Variants in GRM1 observed in about 807,000 individuals in gnomAD.
GRM1 encodes glutamate metabotropic receptor 1, also known as metabotropic glutamate receptor 1.
Under a neutral mutation model 90.9 loss-of-function variants are expected in GRM1, and 33 were observed. The ratio of observed to expected loss-of-function variants is 0.36; its 90% confidence interval spans 0.28 to 0.49. The LOEUF is 0.49. Ranked by LOEUF, GRM1 falls within the 20% of genes least tolerant of loss-of-function variation. The pLI is 0.99. For missense variants in GRM1, 1,190 were observed against 1,534.3 expected, an observed-to-expected ratio of 0.78 and a Z score of 3.75; for synonymous variants, 700 against 613.2, an observed-to-expected ratio of 1.14 and a Z score of -2.09.
At chr6:146,170,515 A>G (rs1562506753) in intron 2 of GRM1, among the ~76,000 whole-genome samples, 2 of 152,004 alleles carry the variant, frequency 1.3e-5, no homozygotes, top group Non-Finnish European at 2.9e-5. Flanking sequence ...TTATTGATTC[A>G]CTCAATATTT....
At chr6:146,127,981 C>G (rs1267651808) in intron 1 of GRM1, among the ~76,000 whole-genome samples, 1 of 152,146 alleles carries the variant, frequency 6.6e-6, no homozygotes, top group African/African-American at 2.4e-5. Flanking sequence ...TCACAAGCCT[C>G]CCTGGCAGTT....
At chr6:146,412,807 C>T (rs1777618486) in intron 7 of GRM1, among the ~76,000 whole-genome samples, 1 of 152,160 alleles carries the variant, frequency 6.6e-6, no homozygotes, top group African/African-American at 2.4e-5. Flanking sequence ...AGAATAACTA[C>T]TAATACTACC....
chr6:146,309,440 G>A (rs893776358), intron 3 of GRM1, among the ~76,000 whole-genome samples: 6 of 151,660 alleles, frequency 4.0e-5, no homozygotes, highest in Non-Finnish European at 8.8e-5. Context: ...TTGAAAAGGA[G>A]TTCCAAAAGG....
chr6:146,185,388 G>A (rs1778698265), intron 2 of GRM1, among the ~76,000 whole-genome samples: 3 of 152,198 alleles, frequency 2.0e-5, no homozygotes, highest in Non-Finnish European at 4.4e-5. Context: ...CTACCTTGAG[G>A]TTGAGAAATA....
At position 146,434,222 on chromosome 6, in the gene GRM1, T is replaced by C; in HGVS notation, c.3011T>C (p.Leu1004Pro). The C allele has an allele frequency of 6.2e-7, 1 of 1,607,684 alleles. No homozygotes were observed. Among genetic ancestry groups the C allele is most frequent in the East Asian group, 2.2e-5 (1 of 44,772 alleles). The change falls in exon 8 of 8, where the codon CTG (leucine) becomes CCG (proline). Residue 1004 changes from leucine to proline, a missense_variant. Physicochemically the swap from Leu to Pro is moderately conservative, Grantham distance 98. Around this residue, in one of 10 missense-constraint regions of GRM1, gnomAD observed 400 missense variants for 360.8 expected, o/e 1.11. Transcript: ENST00000282753. ...HLTAEETPLF[L>P]AEPALPKGLP... ...ACCGCAGAGGAGACCCCCCTCTTCC[T>C]GGCCGAACCAGCCCTCCCCAAGGGC...
At position 146,313,572 on chromosome 6, in the gene GRM1, G is replaced by A. The variant is rs920154499; in HGVS notation, c.1186+8726G>A. On this transcript the variant is annotated intron_variant, in intron 3 of 7. Transcript: ENST00000282753. ...ACGCCTTGTATACATTTGCTGCTGG[G>A]AAAATTCATATAAAATAAAGTCATA... Among the ~76,000 whole-genome samples, 84 of 152,216 alleles carry A rather than the reference G, an allele frequency of 5.5e-4. 1 individual carries two copies. The highest frequency in any genetic ancestry group is 1.9e-4 in the East Asian group (1 of 5,172).
chr6:146,289,328 C>CA (rs1202650372), intron 2 of GRM1, among the ~76,000 whole-genome samples: 1 of 150,970 alleles, frequency 6.6e-6, no homozygotes, highest in Non-Finnish European at 1.5e-5. Context: ...TCATTTTTAA[C>CA]AAAAAAGATT....
chr6:146,393,328 T>C (rs1453213003), intron 6 of GRM1, among the ~76,000 whole-genome samples: 2 of 152,202 alleles, frequency 1.3e-5, no homozygotes, highest in African/African-American at 4.8e-5. Flanking sequence ...CATAAGTGTC[T>C]TCTTTTGAGA....
At chr6:146,144,560 A>C (rs953043559) in intron 1 of GRM1, among the ~76,000 whole-genome samples, 2 of 152,222 alleles carry the variant, frequency 1.3e-5, no homozygotes, top group Non-Finnish European at 2.9e-5. Flanking sequence ...ATAAGAAATA[A>C]ATTACATTTC....
intron 2 of GRM1, among the ~76,000 whole-genome samples, chr6:146,233,562 G>A (rs1780519469): frequency 1.3e-5 from 2 of 151,978 alleles, no homozygotes; most frequent in Non-Finnish European, 1.5e-5. Context: ...TGGCTCATGA[G>A]TTATTTAAAA....
chr6:146,336,459 C>G (rs1444088123), intron 3 of GRM1, among the ~76,000 whole-genome samples: 1 of 152,154 alleles, frequency 6.6e-6, no homozygotes, highest in Non-Finnish European at 1.5e-5. Flanking sequence ...CTCCACTATC[C>G]ATCATTGGTT....
intron 3 of GRM1, among the ~76,000 whole-genome samples, chr6:146,309,449 G>C (rs1783702877): frequency 6.6e-6 from 1 of 151,374 alleles, no homozygotes; most frequent in Non-Finnish European, 1.5e-5. Context: ...AGTTCCAAAA[G>C]GCAGCTCCTA....
intron 2 of GRM1, among the ~76,000 whole-genome samples, chr6:146,265,601 C>T (rs988054247): frequency 2.0e-5 from 3 of 152,104 alleles, no homozygotes; most frequent in African/African-American, 7.2e-5. Flanking sequence ...AAATTATTTG[C>T]CTAGGCCAAT....
At chr6:146,201,796 T>C (rs1362193526) in intron 2 of GRM1, among the ~76,000 whole-genome samples, 1 of 152,234 alleles carries the variant, frequency 6.6e-6, no homozygotes, top group African/African-American at 2.4e-5. Context: ...AGAAGTTACA[T>C]GACTTGCCTA....
rs1485880280 is a variant in GRM1, at chr6:146,304,703, G to A, written c.1043G>A (p.Arg348Lys). ...ATAAAGCTGCAGTCTCCAGAGGTCA[G>A]GTCATTTGATGATTATTTCCTGAAA... ...ITIKLQSPEVRSFDDYFLKLR... is the reference protein window; with the variant it reads ...ITIKLQSPEVKSFDDYFLKLR... The change falls in exon 3 of 8, where the codon AGG becomes AAG. Residue 348 changes from arginine (R) to lysine (K), a missense_variant. Coordinates refer to ENST00000282753, the MANE Select transcript of GRM1 (RefSeq NM_001278064.2). 1 of 1,613,826 alleles carries A rather than the reference G, an allele frequency of 6.2e-7. No homozygotes were observed. The highest frequency in any genetic ancestry group is 1.3e-5 in the African/African-American group (1 of 74,882).
At chr6:146,067,723 A>G (rs1384118588) in intron 1 of GRM1, among the ~76,000 whole-genome samples, 1 of 152,174 alleles carries the variant, frequency 6.6e-6, no homozygotes, top group East Asian at 1.9e-4. Flanking sequence ...GCCTTCTTAC[A>G]TTCTTAAAAA....
In GRM1 at chr6:146,140,304, C is replaced by T. The variant is rs1026284950; in HGVS notation, c.701-19044C>T. Among the ~76,000 whole-genome samples the T allele has an allele frequency of 5.3e-5, 8 of 151,918 alleles. No individual in the cohort carries two copies. In the South Asian group the frequency reaches 1.7e-3, roughly 32 times the overall value. ...TTATTTTTTGAGACAAAGTCTCACACTGTTGCCCAGGCTGGAGTGCAGTGC... is the reference window on the plus strand; with the variant it reads ...TTATTTTTTGAGACAAAGTCTCACATTGTTGCCCAGGCTGGAGTGCAGTGC... On this transcript the variant is annotated intron_variant, in intron 1 of 7. Transcript: ENST00000282753.
At chr6:146,229,028 C>T (rs536155300) in intron 2 of GRM1, among the ~76,000 whole-genome samples, 1 of 152,180 alleles carries the variant, frequency 6.6e-6, no homozygotes, top group South Asian at 2.1e-4. Flanking sequence ...AGTACATAAA[C>T]ATCCTTTCTT....
At chr6:146,357,361 T>C (rs1785624834) in intron 4 of GRM1, among the ~76,000 whole-genome samples, 165 bp from the exon 5 acceptor site, 1 of 152,240 alleles carries the variant, frequency 6.6e-6, no homozygotes, top group Non-Finnish European at 1.5e-5. Flanking sequence ...TATACACATT[T>C]GGGATAATCA....
Sources: allele counts gnomAD v4.1 joint callset (sites outside exome capture counted in the v4.1 genomes callset), GRCh38; gene constraint gnomAD v4.1.1; regional missense constraint gnomAD v4.1.1; transcripts MANE v1.5; gene names NCBI Gene and HGNC (gene_info 2026-07-23, HGNC 2026-07-21).